FKRP: variants seen among roughly 807,000 people sequenced by gnomAD.
The protein encoded by FKRP is fukutin related protein, also known as ribitol 5-phosphate transferase FKRP.
Under a neutral mutation model 30.6 loss-of-function variants are expected in FKRP, and 25 were observed. The observed-to-expected ratio is 0.82, with a 90% CI of 0.60 to 1.14. The LOEUF (loss-of-function observed/expected upper bound fraction) is 1.14. FKRP is among the 50% of genes most tolerant of loss of function. The pLI is 0.00. For missense variants in FKRP, 771 were observed against 727.8 expected (o/e 1.06, Z -0.68); for synonymous variants, 358 against 342.5 (o/e 1.05, Z -0.50).
chr19:46,755,190 TAAA>T (rs5828285), intron 3 of FKRP, among the ~76,000 whole-genome samples: 126 of 144,328 alleles, frequency 8.7e-4, no homozygotes, highest in African/African-American at 2.9e-3. Context: ...TCACTCTGTT[TAAA>T]AAAAAAAAAA....
rs1000823800 is a variant in FKRP, at chr19:46,756,189, C to A, written c.739C>A (p.Pro247Thr). 7.0e-7 allele frequency: 1 copy of A among 1,437,288 alleles called. No individual in the cohort carries two copies. Among genetic ancestry groups the A allele is most frequent in the Non-Finnish European group, 9.1e-7 (1 of 1,101,224 alleles). The allele number at this position is 1,437,288 out of a possible 1,614,324, so 89.0% of individuals were successfully genotyped here. A position where few individuals can be genotyped will look rare whatever the true frequency, so the allele number is the denominator to read the frequency against. The change falls in exon 4 of 4, where the codon CCG becomes ACG. Residue 247 changes from proline to threonine, a missense_variant. Coordinates refer to ENST00000318584, the MANE Select transcript of FKRP (RefSeq NM_024301.5). The surrounding 1 kb of genome is among the most constrained non-coding windows in gnomAD (Gnocchi z 6.6). ...GACCTTCGCCGCGGCGCGCCAGCCC[C>A]CGCTGGCCACGGCCCACGCGCGCTG... ...DLTFAAARQP[P>T]LATAHARWKA...
In FKRP at chr19:46,756,178, C is replaced by A; in HGVS notation, c.728C>A (p.Ala243Glu). The change falls in exon 4 of 4, where the codon GCG (alanine) becomes GAG (glutamate). Residue 243 changes from alanine to glutamate, a missense_variant. Physicochemically the swap from Ala to Glu is moderately radical, Grantham distance 107. Coordinates refer to ENST00000318584, the MANE Select transcript of FKRP (RefSeq NM_024301.5). This position sits in a 1 kb window ranked among gnomAD's most constrained non-coding sequence, Gnocchi z 6.6. ...VQLLDLTFAA[A>E]RQPPLATAHA... ...CTGCTGGACTTGACCTTCGCCGCGG[C>A]GCGCCAGCCCCCGCTGGCCACGGCC... is the stretch of plus-strand genomic sequence containing the variant. 2.1e-6 allele frequency: 3 copies of A among 1,441,240 alleles called. No individual in the cohort carries two copies. The highest frequency in any genetic ancestry group is 2.7e-6 in the Non-Finnish European group (3 of 1,103,248). The allele number at this position is 1,441,240 out of a possible 1,614,324, so 89.3% of individuals were successfully genotyped here. A position where few individuals can be genotyped will look rare whatever the true frequency, so the allele number is the denominator to read the frequency against.
At chr19:46,755,306 G>A in intron 3 of FKRP, 106 bp from the exon 4 acceptor site, 2 of 758,760 alleles carry the variant, frequency 2.6e-6, no homozygotes, top group South Asian at 3.9e-5. Flanking sequence ...ATAGGGAAAA[G>A]AAAGGGAATT....
rs2122632580 is a variant in FKRP, at chr19:46,756,614, T to C, written c.1164T>C (p.Asp388=). The C allele has an allele frequency of 6.2e-7, 1 of 1,612,172 alleles. No individual in the cohort carries two copies. The highest frequency in any genetic ancestry group is 8.5e-7 in the Non-Finnish European group (1 of 1,179,458). ...GGGCAGAGGCCGGCTCGGTGGTGGA[T>C]GAGCGCGGCTTCGTATGGGAGAAGG... ...LRGAEAGSVV[D]ERGFVWEKAV... is the part of the protein sequence containing the mutation. Residue 388 remains aspartate, a synonymous_variant, in exon 4 of 4, where the codon GAT becomes GAC. Coordinates refer to ENST00000318584, the MANE Select transcript of FKRP (RefSeq NM_024301.5). The surrounding 1 kb of genome is among the most constrained non-coding windows in gnomAD (Gnocchi z 6.6).
chr19:46,751,081 C>T (rs2054782712), intron 3 of FKRP, among the ~76,000 whole-genome samples: 1 of 144,112 alleles, frequency 6.9e-6, no homozygotes, highest in Non-Finnish European at 1.5e-5. Flanking sequence ...TTTTTAAAGA[C>T]AGACAAGGTC....
rs927775318 is a variant in FKRP, at chr19:46,757,118, G to A, written c.*180G>A. The A allele has an allele frequency of 2.7e-5, 22 of 821,644 alleles. No homozygotes were observed. Among genetic ancestry groups the A allele is most frequent in the Non-Finnish European group, 9.9e-6 (5 of 507,416 alleles). The allele number at this position is 821,644 out of a possible 1,614,324, so 50.9% of individuals were successfully genotyped here. On this transcript the variant is annotated 3_prime_UTR_variant, in exon 4 of 4. Coordinates refer to ENST00000318584, the MANE Select transcript of FKRP (RefSeq NM_024301.5). ...TGGCAGGAGGAGAGCACCAGGACGA[G>A]GATGGGAAGCGACCTCCAGATTTAT...
chr19:46,746,036 C>T (rs867253089), upstream of FKRP: 12 of 1,227,464 alleles, frequency 9.8e-6, 1 homozygote, highest in Non-Finnish European at 1.2e-5. Context: ...CTCCCGCCCC[C>T]CCGCCGGCCG....
intron 1 of FKRP, chr19:46,746,502 CCT>C (rs1491261308): frequency 2.9e-5 from 23 of 796,174 alleles, no homozygotes; most frequent in East Asian, 1.3e-4. Flanking sequence ...CACCCCCCCC[CCT>C]CCCCCGCCGC....
chr19:46,749,141 G>A (rs921938019), intron 3 of FKRP, among the ~76,000 whole-genome samples: 1 of 152,166 alleles, frequency 6.6e-6, no homozygotes, highest in Non-Finnish European at 1.5e-5. Context: ...GAATACTTGA[G>A]TTTGTTGAGT....
chr19:46,756,279 G>A lies in FKRP; in HGVS notation c.829G>A (p.Val277Met). 2 of 1,519,826 alleles carry A rather than the reference G, an allele frequency of 1.3e-6. No individual in the cohort carries two copies. Among genetic ancestry groups the A allele is most frequent in the Admixed American group, 2.0e-5 (1 of 48,976 alleles). The allele number at this position is 1,519,826 out of a possible 1,614,324, so 94.1% of individuals were successfully genotyped here. ...ALLRALGIRL[V>M]SWEGGRLEWF... is the part of the protein sequence containing the mutation. ...GCTCCGCGCGCTGGGCATCCGCCTA[G>A]TGAGCTGGGAAGGCGGGCGGCTGGA... Residue 277 changes from valine (V) to methionine (M), a missense_variant, in exon 4 of 4, where the codon GTG becomes ATG. By Grantham distance (21) the Val-to-Met change is conservative. Transcript: ENST00000318584. The surrounding 1 kb of genome is among the most constrained non-coding windows in gnomAD (Gnocchi z 6.6).
At chr19:46,746,538 G>A (rs2054635897) in intron 1 of FKRP, 1 of 592,942 alleles carries the variant, frequency 1.7e-6, no homozygotes, top group South Asian at 7.5e-5. Context: ...GCGCCCGGCG[G>A]GGGACAGTAG....
Position 46,756,995 on chromosome 19 carries a change from T to A in FKRP, c.*57T>A. ...GGTCTGTCTGGATGTGGAGAAGCTC[T>A]GTGTGAGCGGTGAGGGGTGGAGGGA... On this transcript the variant is annotated 3_prime_UTR_variant, in exon 4 of 4. Coordinates refer to ENST00000318584, the MANE Select transcript of FKRP (RefSeq NM_024301.5). This position sits in a 1 kb window ranked among gnomAD's most constrained non-coding sequence, Gnocchi z 6.6. 1.9e-6 allele frequency: 3 copies of A among 1,600,438 alleles called. No individual in the cohort carries two copies. The highest frequency in any genetic ancestry group is 3.3e-4 in the Middle Eastern group (2 of 6,000).
In FKRP at chr19:46,756,664, T is replaced by G; in HGVS notation, c.1214T>G (p.Val405Gly). The G allele has an allele frequency of 6.2e-7, 1 of 1,613,588 alleles. No homozygotes were observed. Among genetic ancestry groups the G allele is most frequent in the South Asian group, 1.1e-5 (1 of 90,946 alleles). Reference sequence around the variant, plus strand: ...GCGGTCGAGGGCGACTTTTTCCGCGTGCAGTACAGCGAAAGCAACCACTTG... The same window carrying G: ...GCGGTCGAGGGCGACTTTTTCCGCGGGCAGTACAGCGAAAGCAACCACTTG... ...EKAVEGDFFR[V>G]QYSESNHLHV... Residue 405 changes from valine (V) to glycine (G), a missense_variant, in exon 4 of 4, where the codon GTG (valine) becomes GGG (glycine). Coordinates refer to ENST00000318584, the MANE Select transcript of FKRP (RefSeq NM_024301.5). This position sits in a 1 kb window ranked among gnomAD's most constrained non-coding sequence, Gnocchi z 6.6.
chr19:46,749,713 G>A (rs1349711918), intron 3 of FKRP, among the ~76,000 whole-genome samples: 3 of 140,340 alleles, frequency 2.1e-5, no homozygotes, highest in African/African-American at 8.1e-5. Flanking sequence ...GACAAAGCGA[G>A]ACTCCGTCTC....
chr19:46,746,448 C>CCCGCGCGCCCG lies in FKRP; in HGVS notation c.-253+359_-253+360insCGCGCGCCCGC, dbSNP rs1362813011. On this transcript the variant is annotated intron_variant, in intron 1 of 3. Coordinates refer to ENST00000318584, the MANE Select transcript of FKRP (RefSeq NM_024301.5). ...TCCATCATGGAGGCCCCGGGGCCGG[C>CCCGCGCGCCCG]CTGCGCGCCCGCTGTGCCTCGCGCG... The CCCGCGCGCCCG allele has an allele frequency of 8.1e-5, 81 of 1,003,548 alleles. 1 individual carries two copies. In the African/African-American group the frequency reaches 1.3e-3, roughly 16 times the overall value. 62.2% of individuals were successfully genotyped at this position (1,003,548 alleles called of 1,614,324 possible). A position where few individuals can be genotyped will look rare whatever the true frequency, so the allele number is the denominator to read the frequency against.
Position 46,755,439 on chromosome 19 carries a change from G to A in FKRP, c.-12G>A. The A allele has an allele frequency of 6.2e-6, 10 of 1,600,958 alleles. No individual in the cohort carries two copies. The highest frequency in any genetic ancestry group is 8.5e-6 in the Non-Finnish European group (10 of 1,178,094). On this transcript the variant is annotated 5_prime_UTR_variant, in exon 4 of 4. Coordinates refer to ENST00000318584, the MANE Select transcript of FKRP (RefSeq NM_024301.5). The stretch of plus-strand genomic sequence containing the variant: ...TGCCCCGGAGGCCCAGCTAGCCCCA[G>A]ACTTCGGCCCCATGCGGCTCACCCG...
rs543103045 is a variant in FKRP at position 46,755,377 on chromosome 19, C to G, written c.-39-35C>G. 1.0e-5 allele frequency: 14 copies of G among 1,380,706 alleles called. No homozygotes were observed. In the South Asian group the frequency reaches 1.2e-4, roughly 12 times the overall value. 85.5% of individuals were successfully genotyped at this position (1,380,706 alleles called of 1,614,324 possible). A position where few individuals can be genotyped will look rare whatever the true frequency, so the allele number is the denominator to read the frequency against. ...GGCAGAAGGGGGTGGTTCTGACAATCAGCTGCTGCCTTCCCTTTCGTCCCC... is the reference window on the plus strand; with the variant it reads ...GGCAGAAGGGGGTGGTTCTGACAATGAGCTGCTGCCTTCCCTTTCGTCCCC... On this transcript the variant is annotated intron_variant, in intron 3 of 3. Coordinates refer to ENST00000318584, the MANE Select transcript of FKRP (RefSeq NM_024301.5).
At chr19:46,748,180 T>A (rs1002221682) in intron 2 of FKRP, 92 bp downstream of exon 2, 4 of 152,230 alleles carry the variant, frequency 2.6e-5, no homozygotes, top group Non-Finnish European at 1.5e-5. Context: ...TTTTTCTTTT[T>A]CTTTCTTTCT....
chr19:46,756,017 C>T lies in FKRP; in HGVS notation c.567C>T (p.Pro189=), dbSNP rs201454433. 3.0e-4 allele frequency: 476 copies of T among 1,572,228 alleles called. 2 individuals carry two copies. The African/African-American group carries it at 4.9e-3, about 16-fold the overall frequency. The stretch of plus-strand genomic sequence containing the variant: ...GCTATGGCGCAGCCCCCGCCGCGCC[C>T]CGCTGCGACGCCCTGGACGGAGATG... ...TARYGAAPAA[P]RCDALDGDAV... The change falls in exon 4 of 4, where the codon CCC becomes CCT. Residue 189 remains proline (P), a synonymous_variant. Coordinates refer to ENST00000318584, the MANE Select transcript of FKRP (RefSeq NM_024301.5). The surrounding 1 kb of genome is among the most constrained non-coding windows in gnomAD (Gnocchi z 6.6).
Sources: gnomAD v4.1 joint callset for allele counts (sites outside exome capture counted in the v4.1 genomes callset) on GRCh38, gnomAD v4.1.1 for gene constraint, Gnocchi (gnomAD v3.1) non-coding constraint, MANE v1.5 for transcripts, NCBI Gene and HGNC (gene_info 2026-07-23, HGNC 2026-07-21) for gene names.